The following AP4S1 variants were observed in gnomAD, a reference collection of about 807,000 sequenced individuals.
AP4S1 encodes AP-4 complex subunit sigma-1.
Under a neutral mutation model 19.8 loss-of-function variants are expected in AP4S1, and 23 were observed. The observed-to-expected ratio is 1.16, with a 90% CI of 0.84 to 1.65. The LOEUF is 1.65. Ranked by LOEUF, AP4S1 falls within the 40% of genes most tolerant of loss-of-function variation. The probability of loss-of-function intolerance (pLI) is 0.00; values close to 1 mark genes in which losing one functional copy is unlikely to be tolerated. For missense variants in AP4S1, 166 were observed against 172.8 expected (o/e 0.96, Z 0.22); for synonymous variants, 46 against 54.1 (o/e 0.85, Z 0.66).
At chr14:31,031,512 T>C (rs988828740) in intron 1 of AP4S1, among the ~76,000 whole-genome samples, 8 of 152,240 alleles carry the variant, frequency 5.3e-5, no homozygotes, top group African/African-American at 1.9e-4. Flanking sequence ...ACTGTCATTA[T>C]ACCAGTTGTC....
At chr14:31,049,559 ATATT>A (rs1388158861) in intron 1 of AP4S1, among the ~76,000 whole-genome samples, 2 of 150,536 alleles carry the variant, frequency 1.3e-5, no homozygotes, top group Non-Finnish European at 3.0e-5. Flanking sequence ...AAAAATTTAA[ATATT>A]TAAACAGTAT....
intron 5 of AP4S1, among the ~76,000 whole-genome samples, chr14:31,090,505 C>T (rs1203998894): frequency 6.6e-6 from 1 of 152,186 alleles, no homozygotes; most frequent in African/African-American, 2.4e-5. Flanking sequence ...AACAAGTTGC[C>T]TGAGGATCTT....
intron 1 of AP4S1, among the ~76,000 whole-genome samples, chr14:31,052,417 T>C (rs948481848): frequency 6.6e-6 from 1 of 152,132 alleles, no homozygotes; most frequent in Admixed American, 6.6e-5. Context: ...AAGACTGGGA[T>C]GCTTGAGTTA....
intron 3 of AP4S1, among the ~76,000 whole-genome samples, chr14:31,071,045 C>G (rs1380165184): frequency 6.6e-6 from 1 of 151,580 alleles, no homozygotes; most frequent in Admixed American, 6.6e-5. Context: ...GAGTGAGACT[C>G]CATCTCAAAA....
At chr14:31,047,789 A>G (rs996023492) in intron 1 of AP4S1, among the ~76,000 whole-genome samples, 2 of 151,900 alleles carry the variant, frequency 1.3e-5, no homozygotes, top group Non-Finnish European at 2.9e-5. Context: ...AGCCATTGTC[A>G]TGCCTCAATG....
intron 4 of AP4S1, 100 bp from the exon 5 acceptor site, chr14:31,080,473 C>T (rs752490407): frequency 7.9e-5 from 77 of 978,538 alleles, no homozygotes; most frequent in African/African-American, 2.9e-4. Flanking sequence ...TAGGAGAGGC[C>T]GCTGCTATGG....
chr14:31,044,428 G>A (rs1049999044), intron 1 of AP4S1, among the ~76,000 whole-genome samples: 1 of 152,050 alleles, frequency 6.6e-6, no homozygotes, highest in Admixed American at 6.6e-5. Context: ...TGCAGCCTCA[G>A]TCTCCTGGGC....
intron 5 of AP4S1, among the ~76,000 whole-genome samples, chr14:31,080,827 G>A (rs1887599858): frequency 6.6e-6 from 1 of 152,072 alleles, no homozygotes; most frequent in Admixed American, 6.6e-5. Context: ...TCTTGCCCAG[G>A]CTGGAGTGCA....
rs78648016 is a variant in AP4S1, at chr14:31,025,782, G to C, written c.-77G>C. ...TGAGAGGACCATCACAACCTGAGCAGCACAGGTAGGTTCCGCTCGGCCTCC... is the reference window on the plus strand; with the variant it reads ...TGAGAGGACCATCACAACCTGAGCACCACAGGTAGGTTCCGCTCGGCCTCC... On this transcript the variant is annotated 5_prime_UTR_variant, in exon 1 of 6. Transcript: ENST00000542754. The C allele has an allele frequency of 7.3e-7, 1 of 1,366,278 alleles. No individual in the cohort carries two copies. Among genetic ancestry groups the C allele is most frequent in the Non-Finnish European group, 9.9e-7 (1 of 1,011,408 alleles). 84.6% of individuals were successfully genotyped at this position (1,366,278 alleles called of 1,614,324 possible).
chr14:31,035,987 C>T (rs1010657130), intron 1 of AP4S1, among the ~76,000 whole-genome samples: 4 of 152,270 alleles, frequency 2.6e-5, no homozygotes. Context: ...GCCTTGGCCT[C>T]CCAAAGTGCT....
intron 4 of AP4S1, among the ~76,000 whole-genome samples, chr14:31,079,280 A>G (rs534380602): frequency 9.8e-5 from 15 of 152,314 alleles, no homozygotes; most frequent in African/African-American, 3.1e-4. Flanking sequence ...ACATATAAGC[A>G]AAGAGAAAGA....
chr14:31,080,660 C>T, intron 5 of AP4S1, 76 bp downstream of exon 5: 1 of 1,601,050 alleles, frequency 6.2e-7, no homozygotes, highest in Non-Finnish European at 8.6e-7. Flanking sequence ...TACCACAAGG[C>T]AGGAAAACTA....
chr14:31,045,588 A>C lies in AP4S1; in HGVS notation c.-72+19801A>C, dbSNP rs569947522. 3.9e-5 allele frequency among the ~76,000 whole-genome samples: 6 copies of C among 152,218 alleles called. No individual in the cohort carries two copies. The South Asian group carries it at 1.0e-3, about 26-fold the overall frequency. ...CCTCCCCAGCCATGCTGAACTGTGAATCAATTAAACTACTTTCTATTATAA... is the reference window on the plus strand; with the variant it reads ...CCTCCCCAGCCATGCTGAACTGTGACTCAATTAAACTACTTTCTATTATAA... On this transcript the variant is annotated intron_variant, in intron 1 of 5. Transcript: ENST00000542754.
chr14:31,029,686 G>A (rs541608629), intron 1 of AP4S1, among the ~76,000 whole-genome samples: 6 of 151,970 alleles, frequency 3.9e-5, no homozygotes, highest in Non-Finnish European at 7.4e-5. Flanking sequence ...GAGTGGCCAC[G>A]TGAGTCTGTA....
chr14:31,085,454 A>C, intron 5 of AP4S1: 1 of 986,240 alleles, frequency 1.0e-6, no homozygotes, highest in South Asian at 4.7e-5. Flanking sequence ...AATATAGGCT[A>C]GAATCCGGAA....
At chr14:31,045,266 C>A (rs986185126) in intron 1 of AP4S1, among the ~76,000 whole-genome samples, 40 of 152,196 alleles carry the variant, frequency 2.6e-4, no homozygotes, top group African/African-American at 9.4e-4. Flanking sequence ...TTTTTATGAA[C>A]CGTTTTACCA....
chr14:31,067,218 A>T (rs944997676), intron 2 of AP4S1, among the ~76,000 whole-genome samples: 3 of 152,264 alleles, frequency 2.0e-5, no homozygotes, highest in South Asian at 2.1e-4. Flanking sequence ...CAAAAAAAAA[A>T]AAAAGGAGGT....
intron 1 of AP4S1, among the ~76,000 whole-genome samples, chr14:31,041,701 C>G (rs1051706816): frequency 1.9e-4 from 29 of 152,272 alleles, no homozygotes; most frequent in African/African-American, 6.7e-4. Flanking sequence ...AGAGTTTTCA[C>G]CACTAAGCAC....
chr14:31,080,547 C>T, intron 4 of AP4S1, 26 bp from the exon 5 acceptor site: 2 of 1,588,630 alleles, frequency 1.3e-6, no homozygotes, highest in Non-Finnish European at 1.7e-6. Context: ...TTTTTCTAAC[C>T]CTTGCACTCT....
Sources: gnomAD v4.1 joint callset for allele counts (sites outside exome capture counted in the v4.1 genomes callset) on GRCh38, gnomAD v4.1.1 for gene constraint, MANE v1.5 for transcripts, NCBI Gene and HGNC (gene_info 2026-07-23, HGNC 2026-07-21) for gene names.